Variants in WNT1 observed in about 807,000 individuals in gnomAD.
The protein encoded by WNT1 is proto-oncogene Wnt-1.
A neutral mutation model predicts 21.3 loss-of-function variants in WNT1; 10 were observed. That is an observed-to-expected ratio of 0.47 (90% CI 0.29 to 0.80). WNT1 has a LOEUF of 0.80. Ranked by LOEUF, WNT1 falls within the 30% of genes least tolerant of loss-of-function variation. The pLI is 0.09. For synonymous variants in WNT1, 208 were observed against 236.3 expected, an observed-to-expected ratio of 0.88 and a Z score of 1.10; for missense variants, 476 against 534.1, an observed-to-expected ratio of 0.89 and a Z score of 1.07.
chr12:48,980,827 G>C lies in WNT1; in HGVS notation c.624+138G>C. ...AGAGCCGGAGGCTTGGAACGAAGAC[G>C]GAGAATAGAGGAGACAGTGGCTGAG... On this transcript the variant is annotated intron_variant, in intron 3 of 3. Transcript: ENST00000293549. The surrounding 1 kb of genome is among the most constrained non-coding windows in gnomAD (Gnocchi z 7.0). The C allele has an allele frequency of 1.5e-6, 2 of 1,378,110 alleles. No homozygotes were observed. Among genetic ancestry groups the C allele is most frequent in the Non-Finnish European group, 9.6e-7 (1 of 1,044,604 alleles). 85.4% of individuals were successfully genotyped at this position (1,378,110 alleles called of 1,614,324 possible).
In WNT1 at chr12:48,980,684, C is replaced by A; in HGVS notation, c.619C>A (p.Arg207Ser). The stretch of plus-strand genomic sequence containing the variant: ...GAACCTTCACAACAACGAGGCAGGC[C>A]GTACGGTGAGCTTTGAGAGGCTCCG... ...LMNLHNNEAG[R>S]TTVFSEMRQE... Residue 207 changes from arginine to serine, a missense_variant, in exon 3 of 4, where the codon CGT (arginine) becomes AGT (serine). Coordinates refer to ENST00000293549, the MANE Select transcript of WNT1 (RefSeq NM_005430.4). The surrounding 1 kb of genome is among the most constrained non-coding windows in gnomAD (Gnocchi z 7.0). The A allele has an allele frequency of 6.5e-7, 1 of 1,545,640 alleles. No homozygotes were observed. Among genetic ancestry groups the A allele is most frequent in the Non-Finnish European group, 8.7e-7 (1 of 1,147,042 alleles).
At position 48,981,061 on chromosome 12, in the gene WNT1, C is replaced by A; in HGVS notation, c.625-91C>A. The A allele has an allele frequency of 6.5e-7, 1 of 1,536,642 alleles. No individual in the cohort carries two copies. The highest frequency in any genetic ancestry group is 8.8e-7 in the Non-Finnish European group (1 of 1,141,402). ...CTAGGCCTGGGCCTTTGCTGAGGTC[C>A]GGCCCCCGTGGCGTCCGGGAGAGGG... On this transcript the variant is annotated intron_variant, in intron 3 of 3. Transcript: ENST00000293549. This position sits in a 1 kb window ranked among gnomAD's most constrained non-coding sequence, Gnocchi z 7.4.
chr12:48,980,623 C>A lies in WNT1; in HGVS notation c.558C>A (p.Asp186Glu). The A allele has an allele frequency of 6.2e-7, 1 of 1,601,582 alleles. No homozygotes were observed. Among genetic ancestry groups the A allele is most frequent in the Non-Finnish European group, 8.5e-7 (1 of 1,173,626 alleles). ...FGRLFGREFV[D>E]SGEKGRDLRF... ...GCCTCTTCGGCCGGGAGTTCGTGGA[C>A]TCCGGGGAGAAGGGGCGGGACCTGC... The change falls in exon 3 of 4, where the codon GAC (aspartate) becomes GAA (glutamate). Residue 186 changes from aspartate (D) to glutamate (E), a missense_variant. Physicochemically the swap from Asp to Glu is conservative, Grantham distance 45. Coordinates refer to ENST00000293549, the MANE Select transcript of WNT1 (RefSeq NM_005430.4). This position sits in a 1 kb window ranked among gnomAD's most constrained non-coding sequence, Gnocchi z 7.0.
chr12:48,982,297 T>C lies in WNT1; in HGVS notation c.*657T>C, dbSNP rs540615955. ...CTGGGCCACCTCCTACCCCTTCCTG[T>C]CCTGCCTCCTCATCAGTGTGTAAAT... On this transcript the variant is annotated 3_prime_UTR_variant, in exon 4 of 4. Coordinates refer to ENST00000293549, the MANE Select transcript of WNT1 (RefSeq NM_005430.4). Among the ~76,000 whole-genome samples the C allele has an allele frequency of 1.3e-5, 2 of 152,300 alleles. No individual in the cohort carries two copies. Among genetic ancestry groups the C allele is most frequent in the East Asian group, 3.9e-4 (2 of 5,186 alleles).
chr12:48,980,860 G>T lies in WNT1; in HGVS notation c.624+171G>T, dbSNP rs1028584521. Among the ~76,000 whole-genome samples the T allele has an allele frequency of 6.6e-6, 1 of 152,202 alleles. No homozygotes were observed. Among genetic ancestry groups the T allele is most frequent in the Admixed American group, 6.5e-5 (1 of 15,294 alleles). ...GAGGAGACAGTGGCTGAGGGCAAAGGTATGTCTGGCCCGCGGACAGGTAGA... is the reference window on the plus strand; with the variant it reads ...GAGGAGACAGTGGCTGAGGGCAAAGTTATGTCTGGCCCGCGGACAGGTAGA... On this transcript the variant is annotated intron_variant, in intron 3 of 3. Transcript: ENST00000293549. The surrounding 1 kb of genome is among the most constrained non-coding windows in gnomAD (Gnocchi z 7.0).
Position 48,980,029 on chromosome 12 carries a change from T to C in WNT1, c.358+308T>C, listed in dbSNP as rs2137623881. On this transcript the variant is annotated intron_variant, in intron 2 of 3. Transcript: ENST00000293549. This position sits in a 1 kb window ranked among gnomAD's most constrained non-coding sequence, Gnocchi z 7.0. ...CTCTCAAAAGCGCCTGGGAAGCTGC[T>C]CTCTGCAGGCGTGTGTCTGGCCTCT... 6.6e-6 allele frequency among the ~76,000 whole-genome samples: 1 copy of C among 152,338 alleles called. No individual in the cohort carries two copies. Among genetic ancestry groups the C allele is most frequent in the South Asian group, 2.1e-4 (1 of 4,830 alleles).
At position 48,980,946 on chromosome 12, in the gene WNT1, G is replaced by A. The variant is rs1486751930; in HGVS notation, c.625-206G>A. ...CAGATTCGAAAAATAAGCCTGAGAGGCCGAGACTGACTCGCCGCGGCGGAG... is the reference window on the plus strand; with the variant it reads ...CAGATTCGAAAAATAAGCCTGAGAGACCGAGACTGACTCGCCGCGGCGGAG... On this transcript the variant is annotated intron_variant, in intron 3 of 3. Coordinates refer to ENST00000293549, the MANE Select transcript of WNT1 (RefSeq NM_005430.4). The surrounding 1 kb of genome is among the most constrained non-coding windows in gnomAD (Gnocchi z 7.0). 6.6e-6 allele frequency among the ~76,000 whole-genome samples: 1 copy of A among 152,188 alleles called. No individual in the cohort carries two copies. The highest frequency in any genetic ancestry group is 2.4e-5 in the African/African-American group (1 of 41,462).
Position 48,981,372 on chromosome 12 carries a change from A to T in WNT1, c.845A>T (p.Lys282Ile). The T allele has an allele frequency of 1.9e-6, 3 of 1,573,398 alleles. No individual in the cohort carries two copies. Among genetic ancestry groups the T allele is most frequent in the Non-Finnish European group, 2.6e-6 (3 of 1,159,232 alleles). ...LRLEPEDPAH[K>I]PPSPHDLVYF... is the part of the protein sequence containing the mutation. ...CTGGAGCCGGAAGACCCGGCCCACAAACCGCCCTCCCCCCACGACCTCGTC... is the reference window on the plus strand; with the variant it reads ...CTGGAGCCGGAAGACCCGGCCCACATACCGCCCTCCCCCCACGACCTCGTC... Residue 282 changes from lysine (K) to isoleucine (I), a missense_variant, in exon 4 of 4, where the codon AAA (lysine) becomes ATA (isoleucine). Physicochemically the swap from Lys to Ile is moderately radical, Grantham distance 102. Coordinates refer to ENST00000293549, the MANE Select transcript of WNT1 (RefSeq NM_005430.4). The surrounding 1 kb of genome is among the most constrained non-coding windows in gnomAD (Gnocchi z 7.4).
rs1475924510 is a variant in WNT1 at position 48,980,375 on chromosome 12, G to A, written c.359-49G>A. ...TCCCAAGCCCTTCATGAGGGTGCTGGCCGCGCCCCGCGTACCCCCTCGCTG... is the reference window on the plus strand; with the variant it reads ...TCCCAAGCCCTTCATGAGGGTGCTGACCGCGCCCCGCGTACCCCCTCGCTG... On this transcript the variant is annotated intron_variant, in intron 2 of 3. Transcript: ENST00000293549. The surrounding 1 kb of genome is among the most constrained non-coding windows in gnomAD (Gnocchi z 7.0). 6.2e-7 allele frequency: 1 copy of A among 1,609,686 alleles called. No individual in the cohort carries two copies. The highest frequency in any genetic ancestry group is 8.5e-7 in the Non-Finnish European group (1 of 1,177,038).
In WNT1 at chr12:48,980,466, G is replaced by C. The variant is rs1390375273; in HGVS notation, c.401G>C (p.Gly134Ala). Residue 134 changes from glycine to alanine, a missense_variant, in exon 3 of 4, where the codon GGG becomes GCG. Gly to Ala is a moderately conservative substitution (Grantham distance 60). Coordinates refer to ENST00000293549, the MANE Select transcript of WNT1 (RefSeq NM_005430.4). This position sits in a 1 kb window ranked among gnomAD's most constrained non-coding sequence, Gnocchi z 7.0. ...TTTATCTTCGCTATCACCTCCGCCG[G>C]GGTCACCCATTCGGTGGCGCGCTCC... ...TAFIFAITSA[G>A]VTHSVARSCS... is the part of the protein sequence containing the mutation. 1 of 1,614,220 alleles carries C rather than the reference G, an allele frequency of 6.2e-7. No individual in the cohort carries two copies. The highest frequency in any genetic ancestry group is 1.7e-5 in the Admixed American group (1 of 60,034).
Position 48,978,590 on chromosome 12 carries a change from T to C in WNT1, c.-61T>C. 1 of 1,270,950 alleles carries C rather than the reference T, an allele frequency of 7.9e-7. No homozygotes were observed. 78.7% of individuals were successfully genotyped at this position (1,270,950 alleles called of 1,614,324 possible). A position where few individuals can be genotyped will look rare whatever the true frequency, so the allele number is the denominator to read the frequency against. ...GCCACCGCCGCGTCCCGTCCCACCG[T>C]CGCGGGCAACAACCAAAGTCGCCGC... On this transcript the variant is annotated 5_prime_UTR_variant, in exon 1 of 4. Coordinates refer to ENST00000293549, the MANE Select transcript of WNT1 (RefSeq NM_005430.4). The surrounding 1 kb of genome is among the most constrained non-coding windows in gnomAD (Gnocchi z 7.4).
In WNT1 at chr12:48,978,528, G is replaced by C. The variant is rs1222723675; in HGVS notation, c.-123G>C. On this transcript the variant is annotated 5_prime_UTR_variant, in exon 1 of 4. Transcript: ENST00000293549. The surrounding 1 kb of genome is among the most constrained non-coding windows in gnomAD (Gnocchi z 7.4). ...CATGCTGTCCGCCGCCCGCCCCCAGGGTTGTTAAAGCCAGACTGCGAACTC... is the reference window on the plus strand; with the variant it reads ...CATGCTGTCCGCCGCCCGCCCCCAGCGTTGTTAAAGCCAGACTGCGAACTC... 2 of 717,780 alleles carry C rather than the reference G, an allele frequency of 2.8e-6. No homozygotes were observed. The highest frequency in any genetic ancestry group is 4.8e-6 in the Non-Finnish European group (2 of 419,610). The allele number at this position is 717,780 out of a possible 1,614,324, so 44.5% of individuals were successfully genotyped here. A position where few individuals can be genotyped will look rare whatever the true frequency, so the allele number is the denominator to read the frequency against.
Position 48,981,034 on chromosome 12 carries a change from A to G in WNT1, c.625-118A>G. On this transcript the variant is annotated intron_variant, in intron 3 of 3. Transcript: ENST00000293549. This position sits in a 1 kb window ranked among gnomAD's most constrained non-coding sequence, Gnocchi z 7.4. ...TTCGCGCCTCCCTTCCCCTGGGCTC[A>G]GCTAGGCCTGGGCCTTTGCTGAGGT... 1.4e-6 allele frequency: 2 copies of G among 1,477,956 alleles called. No individual in the cohort carries two copies. The highest frequency in any genetic ancestry group is 1.8e-6 in the Non-Finnish European group (2 of 1,107,512). 91.6% of individuals were successfully genotyped at this position (1,477,956 alleles called of 1,614,324 possible). A position where few individuals can be genotyped will look rare whatever the true frequency, so the allele number is the denominator to read the frequency against.
Position 48,981,825 on chromosome 12 carries a change from C to T in WNT1, c.*185C>T, listed in dbSNP as rs1408828731. On this transcript the variant is annotated 3_prime_UTR_variant, in exon 4 of 4. Coordinates refer to ENST00000293549, the MANE Select transcript of WNT1 (RefSeq NM_005430.4). The surrounding 1 kb of genome is among the most constrained non-coding windows in gnomAD (Gnocchi z 7.4). ...GACTCCTCAAACCACTTGCCTGGGG[C>T]GGCATGAACCCTCTTGCCATCCTGA... 2 of 847,876 alleles carry T rather than the reference C, an allele frequency of 2.4e-6. No homozygotes were observed. The highest frequency in any genetic ancestry group is 1.8e-5 in the African/African-American group (1 of 55,316). 52.5% of individuals were successfully genotyped at this position (847,876 alleles called of 1,614,324 possible).
chr12:48,979,282 C>G lies in WNT1; in HGVS notation c.105-186C>G, dbSNP rs1940978562. Among the ~76,000 whole-genome samples, 1 of 152,234 alleles carries G rather than the reference C, an allele frequency of 6.6e-6. No individual in the cohort carries two copies. Among genetic ancestry groups the G allele is most frequent in the Admixed American group, 6.5e-5 (1 of 15,288 alleles). On this transcript the variant is annotated intron_variant, in intron 1 of 3. Transcript: ENST00000293549. The surrounding 1 kb of genome is among the most constrained non-coding windows in gnomAD (Gnocchi z 6.0). Reference sequence around the variant, plus strand: ...AGGGCTCAGGCGAGCAGCCCTGGGACTACTGGGCACACACAAGTCTGGACG... The same window carrying G: ...AGGGCTCAGGCGAGCAGCCCTGGGAGTACTGGGCACACACAAGTCTGGACG...
chr12:48,978,880 C>T lies in WNT1; in HGVS notation c.104+126C>T. ...CCCTCCCCGCTCTGACTTCCCTCCG[C>T]GACACCGAAGGGCGATCTGGCATGA... On this transcript the variant is annotated intron_variant, in intron 1 of 3. Transcript: ENST00000293549. This position sits in a 1 kb window ranked among gnomAD's most constrained non-coding sequence, Gnocchi z 7.4. 6.0e-6 allele frequency: 4 copies of T among 671,168 alleles called. No homozygotes were observed. Among genetic ancestry groups the T allele is most frequent in the Non-Finnish European group, 9.9e-6 (4 of 405,552 alleles). The allele number at this position is 671,168 out of a possible 1,614,324, so 41.6% of individuals were successfully genotyped here. A position where few individuals can be genotyped will look rare whatever the true frequency, so the allele number is the denominator to read the frequency against.
rs750603706 is a variant in WNT1 at position 48,981,546 on chromosome 12, G to C, written c.1019G>C (p.Arg340Pro). The change falls in exon 4 of 4, where the codon CGC becomes CCC. Residue 340 changes from arginine (R) to proline (P), a missense_variant. Coordinates refer to ENST00000293549, the MANE Select transcript of WNT1 (RefSeq NM_005430.4). This position sits in a 1 kb window ranked among gnomAD's most constrained non-coding sequence, Gnocchi z 7.4. The stretch of plus-strand genomic sequence containing the variant: ...AGGGGCCACCGCACGCGCACGCAGC[G>C]CGTCACCGAGCGCTGCAACTGCACC... ...CGRGHRTRTQRVTERCNCTFH... is the reference protein window; with the variant it reads ...CGRGHRTRTQPVTERCNCTFH... The C allele has an allele frequency of 6.5e-7, 1 of 1,536,128 alleles. No individual in the cohort carries two copies. The highest frequency in any genetic ancestry group is 1.2e-5 in the South Asian group (1 of 82,866).
rs1342929466 is a variant in WNT1 at position 48,979,569 on chromosome 12, G to A, written c.206G>A (p.Arg69Gln). ...PSLQLLSRKQ[R>Q]RLIRQNPGIL... ...CTGCAGCTGTTGAGCCGCAAACAGC[G>A]GCGTCTGATACGCCAAAATCCGGGG... The change falls in exon 2 of 4, where the codon CGG (arginine) becomes CAG (glutamine). Residue 69 changes from arginine to glutamine, a missense_variant. Coordinates refer to ENST00000293549, the MANE Select transcript of WNT1 (RefSeq NM_005430.4). The surrounding 1 kb of genome is among the most constrained non-coding windows in gnomAD (Gnocchi z 6.0). 1 of 1,614,006 alleles carries A rather than the reference G, an allele frequency of 6.2e-7. No individual in the cohort carries two copies. The highest frequency in any genetic ancestry group is 8.5e-7 in the Non-Finnish European group (1 of 1,180,060).
rs1940974795 is a variant in WNT1, at chr12:48,979,061, C to T, written c.104+307C>T. On this transcript the variant is annotated intron_variant, in intron 1 of 3. Transcript: ENST00000293549. The surrounding 1 kb of genome is among the most constrained non-coding windows in gnomAD (Gnocchi z 6.0). ...CGGCGGTGGCTCACCACAGGTTTCC[C>T]CACCTCGGGAAGTGAAGGGCCAGGA... Among the ~76,000 whole-genome samples the T allele has an allele frequency of 6.6e-6, 1 of 152,252 alleles. No individual in the cohort carries two copies. The highest frequency in any genetic ancestry group is 2.1e-4 in the South Asian group (1 of 4,836).
Sources: gnomAD v4.1 joint callset for allele counts (sites outside exome capture counted in the v4.1 genomes callset) on GRCh38, gnomAD v4.1.1 for gene constraint, Gnocchi (gnomAD v3.1) non-coding constraint, MANE v1.5 for transcripts, NCBI Gene and HGNC (gene_info 2026-07-23, HGNC 2026-07-21) for gene names.